Variants in CDKN1A observed in about 807,000 individuals in gnomAD.
CDKN1A encodes the protein cyclin-dependent kinase inhibitor 1.
A neutral mutation model predicts 14.8 loss-of-function variants in CDKN1A; 14 were observed. The observed-to-expected ratio is 0.94, with a 90% CI of 0.62 to 1.48. The LOEUF (loss-of-function observed/expected upper bound fraction) is 1.48. Among genes scored for constraint, CDKN1A ranks in the 40% most tolerant of loss-of-function variants. CDKN1A has a pLI of 0.00. For missense variants in CDKN1A, 203 were observed against 231.7 expected (o/e 0.88, Z 0.80); for synonymous variants, 92 against 93.5 (o/e 0.98, Z 0.09).
In CDKN1A at chr6:36,684,808, A is replaced by T. The variant is rs532643724; in HGVS notation, c.445+262A>T. Among the ~76,000 whole-genome samples the T allele has an allele frequency of 6.6e-6, 1 of 152,298 alleles. No individual in the cohort carries two copies. Among genetic ancestry groups the T allele is most frequent in the Admixed American group, 6.5e-5 (1 of 15,306 alleles). On this transcript the variant is annotated intron_variant, in intron 2 of 2. Coordinates refer to ENST00000244741, the MANE Select transcript of CDKN1A (RefSeq NM_000389.5). The surrounding 1 kb of genome is among the most constrained non-coding windows in gnomAD (Gnocchi z 6.0). ...TATTTAGTCCTTATAGCAATGTTAT[A>T]ACATAAGACATTCTTGTCACCCTGC... is the stretch of plus-strand genomic sequence containing the variant.
chr6:36,681,655 T>C (rs748519505), intron 1 of CDKN1A, among the ~76,000 whole-genome samples: 89 of 136,956 alleles, frequency 6.5e-4, no homozygotes, highest in Admixed American at 1.1e-3. Context: ...TGCAGTGGCG[T>C]GATCTCGGCT....
chr6:36,677,960 T>A, upstream of CDKN1A: 1 of 1,105,462 alleles, frequency 9.0e-7, no homozygotes, highest in Non-Finnish European at 1.2e-6. Context: ...GGGAGATTGG[T>A]TCAATGTCCA....
At position 36,684,283 on chromosome 6, in the gene CDKN1A, G is replaced by A. The variant is rs778199042; in HGVS notation, c.182G>A (p.Gly61Asp). 1 of 1,613,190 alleles carries A rather than the reference G, an allele frequency of 6.2e-7. No homozygotes were observed. Among genetic ancestry groups the A allele is most frequent in the Non-Finnish European group, 8.5e-7 (1 of 1,180,014 alleles). ...TTTGTCACCGAGACACCACTGGAGG[G>A]TGACTTCGCCTGGGAGCGTGTGCGG... is the stretch of plus-strand genomic sequence containing the variant. ...FDFVTETPLEGDFAWERVRGL... is the reference protein window; with the variant it reads ...FDFVTETPLEDDFAWERVRGL... The change falls in exon 2 of 3, where the codon GGT becomes GAT. Residue 61 changes from glycine to aspartate, a missense_variant. Physicochemically the swap from Gly to Asp is moderately conservative, Grantham distance 94. Coordinates refer to ENST00000244741, the MANE Select transcript of CDKN1A (RefSeq NM_000389.5). The surrounding 1 kb of genome is among the most constrained non-coding windows in gnomAD (Gnocchi z 6.0).
upstream of CDKN1A, chr6:36,677,797 CT>C (rs1200724134): frequency 1.8e-6 from 2 of 1,116,712 alleles, no homozygotes; most frequent in South Asian, 2.6e-5. Context: ...GGTCACCAGA[CT>C]TCTCTGAGCC....
chr6:36,677,562 T>C (rs1436824085), upstream of CDKN1A: 1 of 346,738 alleles, frequency 2.9e-6, no homozygotes, highest in African/African-American at 2.2e-5. Context: ...TGGGAGCGGA[T>C]AGACACATCA....
Position 36,681,407 on chromosome 6 carries a change from TCCTTTC to T in CDKN1A, c.-6+2610_-6+2615del, listed in dbSNP as rs1360655604. Among the ~76,000 whole-genome samples the T allele has an allele frequency of 1.1e-3, 55 of 49,078 alleles. 1 individual carries two copies. Among genetic ancestry groups the T allele is most frequent in the Non-Finnish European group, 1.5e-3 (39 of 26,868 alleles). The allele number at this position is 49,078 out of a possible 152,430, so 32.2% of individuals were successfully genotyped here. A position where few individuals can be genotyped will look rare whatever the true frequency, so the allele number is the denominator to read the frequency against. ...TTTCTTTCTTTCTTTCTTTCTTTCT[TCCTTTC>T]TCTTTCTCTCTTTCTTTCTCTTTCT... On this transcript the variant is annotated intron_variant, in intron 1 of 2. Coordinates refer to ENST00000244741, the MANE Select transcript of CDKN1A (RefSeq NM_000389.5).
Position 36,685,931 on chromosome 6 carries a change from C to A in CDKN1A, c.*131C>A. Reference sequence around the variant, plus strand: ...TTTAATTTAAACACCTCCTCATGTACATACCCTGGCCGCCCCCTGCCCCCC... The same window carrying A: ...TTTAATTTAAACACCTCCTCATGTAAATACCCTGGCCGCCCCCTGCCCCCC... On this transcript the variant is annotated 3_prime_UTR_variant, in exon 3 of 3. Coordinates refer to ENST00000244741, the MANE Select transcript of CDKN1A (RefSeq NM_000389.5). The A allele has an allele frequency of 1.1e-6, 1 of 917,174 alleles. No homozygotes were observed. The highest frequency in any genetic ancestry group is 1.8e-6 in the Non-Finnish European group (1 of 566,280). 56.8% of individuals were successfully genotyped at this position (917,174 alleles called of 1,614,324 possible). A position where few individuals can be genotyped will look rare whatever the true frequency, so the allele number is the denominator to read the frequency against.
intron 1 of CDKN1A, among the ~76,000 whole-genome samples, chr6:36,681,402 T>C (rs1761988186): frequency 9.5e-6 from 1 of 105,488 alleles, no homozygotes; most frequent in African/African-American, 4.1e-5. Context: ...TCTTTCTTTC[T>C]TTCTTCCTTT....
intron 1 of CDKN1A, chr6:36,682,870 G>A (rs1359152185): frequency 1.3e-5 from 2 of 152,246 alleles, no homozygotes; most frequent in African/African-American, 2.4e-5. Flanking sequence ...CAGGCAACAC[G>A]AGGCAGGGGC....
rs377657015 is a variant in CDKN1A, at chr6:36,681,361, T to TTTTCTTTCTTTCTTTCTTTCTTTC, written c.-6+2586_-6+2609dup. Among the ~76,000 whole-genome samples, 19 of 55,922 alleles carry TTTTCTTTCTTTCTTTCTTTCTTTC rather than the reference T, an allele frequency of 3.4e-4. 2 individuals carry two copies. The highest frequency in any genetic ancestry group is 1.1e-3 in the East Asian group (2 of 1,742). The allele number at this position is 55,922 out of a possible 152,430, so 36.7% of individuals were successfully genotyped here. Reference sequence around the variant, plus strand: ...TTCTTTCTTTCTTTCTTTTTCTTTCTTTTCTTTCTTTCTTTCTTTCTTTCT... The same window carrying TTTTCTTTCTTTCTTTCTTTCTTTC: ...TTCTTTCTTTCTTTCTTTTTCTTTCTTTTCTTTCTTTCTTTCTTTCTTTCTTTCTTTCTTTCTTTCTTTCTTTCT... On this transcript the variant is annotated intron_variant, in intron 1 of 2. Coordinates refer to ENST00000244741, the MANE Select transcript of CDKN1A (RefSeq NM_000389.5).
Position 36,685,920 on chromosome 6 carries a change from C to T in CDKN1A, c.*120C>T. 1 of 1,013,348 alleles carries T rather than the reference C, an allele frequency of 9.9e-7. No homozygotes were observed. Among genetic ancestry groups the T allele is most frequent in the Non-Finnish European group, 1.6e-6 (1 of 645,094 alleles). The allele number at this position is 1,013,348 out of a possible 1,614,324, so 62.8% of individuals were successfully genotyped here. ...ATTATTTGTGTTTTAATTTAAACAC[C>T]TCCTCATGTACATACCCTGGCCGCC... On this transcript the variant is annotated 3_prime_UTR_variant, in exon 3 of 3. Coordinates refer to ENST00000244741, the MANE Select transcript of CDKN1A (RefSeq NM_000389.5).
chr6:36,678,010 G>A, upstream of CDKN1A: 1 of 643,818 alleles, frequency 1.6e-6, no homozygotes, highest in East Asian at 4.6e-5. The surrounding 1 kb of genome is among the most constrained non-coding windows in gnomAD (Gnocchi z 5.7). Context: ...CCCTTTTTTG[G>A]TAGTCTCTCC....
At position 36,678,839 on chromosome 6, in the gene CDKN1A, C is replaced by T. The variant is rs1410956027; in HGVS notation, c.-6+41C>T. On this transcript the variant is annotated intron_variant, in intron 1 of 2. Coordinates refer to ENST00000244741, the MANE Select transcript of CDKN1A (RefSeq NM_000389.5). This position sits in a 1 kb window ranked among gnomAD's most constrained non-coding sequence, Gnocchi z 5.7. The stretch of plus-strand genomic sequence containing the variant: ...CAGACAACAGGGGACCCCGGGCCGG[C>T]GGCCCAGAGCCGAGCCAAGCGTGCC... 2.0e-6 allele frequency: 2 copies of T among 985,484 alleles called. No homozygotes were observed. Among genetic ancestry groups the T allele is most frequent in the Non-Finnish European group, 2.4e-6 (2 of 830,070 alleles). 61.0% of individuals were successfully genotyped at this position (985,484 alleles called of 1,614,324 possible). A position where few individuals can be genotyped will look rare whatever the true frequency, so the allele number is the denominator to read the frequency against.
chr6:36,685,746 C>T lies in CDKN1A; in HGVS notation c.446-5C>T, dbSNP rs1374216680. The T allele has an allele frequency of 1.2e-6, 2 of 1,614,142 alleles. No individual in the cohort carries two copies. The highest frequency in any genetic ancestry group is 1.7e-6 in the Non-Finnish European group (2 of 1,179,984). ...GCCTGGCTGACTTCTGCTGTCTCTC[C>T]TCAGATTTCTACCACTCCAAACGCC... On this transcript the variant is annotated splice_polypyrimidine_tract_variant and splice_region_variant and intron_variant, in intron 2 of 2. Coordinates refer to ENST00000244741, the MANE Select transcript of CDKN1A (RefSeq NM_000389.5).
chr6:36,681,181 T>A (rs1470167404), intron 1 of CDKN1A, among the ~76,000 whole-genome samples: 1 of 152,218 alleles, frequency 6.6e-6, no homozygotes, highest in Non-Finnish European at 1.5e-5. Flanking sequence ...GCCAAACACT[T>A]GCTTGAATCT....
intron 1 of CDKN1A, chr6:36,681,000 G>C (rs1294525830): frequency 6.6e-6 from 1 of 152,328 alleles, no homozygotes; most frequent in Non-Finnish European, 1.5e-5. Context: ...CTAGATCCTA[G>C]TCCTGTCTTG....
intron 1 of CDKN1A, among the ~76,000 whole-genome samples, chr6:36,681,361 T>TTTCTTTCTTTCTTTTTCTTTCTTTTC (rs1562038290): frequency 1.0e-3 from 58 of 55,910 alleles, no homozygotes; most frequent in African/African-American, 3.7e-3. Flanking sequence ...TTTTTCTTTC[T>TTTCTTTCTTTCTTTTTCTTTCTTTTC]TTTCTTTCTT....
Position 36,678,777 on chromosome 6 carries a change from G to A in CDKN1A, c.-27G>A, listed in dbSNP as rs1184127230. On this transcript the variant is annotated 5_prime_UTR_variant, in exon 1 of 3. Coordinates refer to ENST00000244741, the MANE Select transcript of CDKN1A (RefSeq NM_000389.5). This position sits in a 1 kb window ranked among gnomAD's most constrained non-coding sequence, Gnocchi z 5.7. ...CCGGAGCTGGGCGCGGATTCGCCGA[G>A]GCACCGAGGCACTCAGAGGAGGTGA... 2.0e-6 allele frequency: 2 copies of A among 985,666 alleles called. No individual in the cohort carries two copies. The highest frequency in any genetic ancestry group is 2.4e-6 in the Non-Finnish European group (2 of 830,192). 61.1% of individuals were successfully genotyped at this position (985,666 alleles called of 1,614,324 possible).
At position 36,684,413 on chromosome 6, in the gene CDKN1A, G is replaced by C. The variant is rs2150314078; in HGVS notation, c.312G>C (p.Gly104=). ...RPGTSPALLQ[G]TAEEDHVDLS... Reference sequence around the variant, plus strand: ...GCACCTCACCTGCTCTGCTGCAGGGGACAGCAGAGGAAGACCATGTGGACC... The same window carrying C: ...GCACCTCACCTGCTCTGCTGCAGGGCACAGCAGAGGAAGACCATGTGGACC... Residue 104 remains glycine, a synonymous_variant, in exon 2 of 3, where the codon GGG becomes GGC. Transcript: ENST00000244741. This position sits in a 1 kb window ranked among gnomAD's most constrained non-coding sequence, Gnocchi z 6.0. 1 of 1,613,604 alleles carries C rather than the reference G, an allele frequency of 6.2e-7. No individual in the cohort carries two copies.
Sources: allele counts gnomAD v4.1 joint callset (sites outside exome capture counted in the v4.1 genomes callset), GRCh38; gene constraint gnomAD v4.1.1; non-coding constraint Gnocchi (gnomAD v3.1); transcripts MANE v1.5; gene names NCBI Gene and HGNC (gene_info 2026-07-23, HGNC 2026-07-21).